The following MFAP3 variants were observed in gnomAD, a reference collection of about 807,000 sequenced individuals.
The protein encoded by MFAP3 is microfibril-associated glycoprotein 3.
MFAP3 carries 8 observed loss-of-function variants against 20.5 expected under a neutral mutation model. The ratio of observed to expected loss-of-function variants is 0.39; its 90% CI spans 0.23 to 0.70. The LOEUF is 0.70. Among genes scored for constraint, MFAP3 ranks in the 30% least tolerant of loss-of-function variants. The pLI, the probability that MFAP3 is intolerant of heterozygous loss-of-function variation, is 0.44. For missense variants in MFAP3, 398 were observed against 444.6 expected (o/e 0.90, Z 0.94); for synonymous variants, 140 against 154.0 (o/e 0.91, Z 0.67).
rs1017406837 is a variant in MFAP3, at chr5:154,056,188, A to G, written c.*2475A>G. Among the ~76,000 whole-genome samples the G allele has an allele frequency of 6.6e-6, 1 of 152,242 alleles. No homozygotes were observed. The highest frequency in any genetic ancestry group is 1.5e-5 in the Non-Finnish European group (1 of 68,040). ...TCTGTAAGTTTGCACGATACTGTAT[A>G]GTAACTAAATGCATGCTACTCCGTT... is the stretch of plus-strand genomic sequence containing the variant. On this transcript the variant is annotated 3_prime_UTR_variant, in exon 3 of 3. Coordinates refer to ENST00000522782, the MANE Select transcript of MFAP3 (RefSeq NM_005927.5).
At chr5:154,051,478 C>G (rs1373338462) in intron 2 of MFAP3, among the ~76,000 whole-genome samples, 1 of 152,150 alleles carries the variant, frequency 6.6e-6, no homozygotes, top group Non-Finnish European at 1.5e-5. Context: ...GTTTAAAGAG[C>G]ATGTCAGTCT....
chr5:154,054,013 G>A lies in MFAP3; in HGVS notation c.*300G>A. The stretch of plus-strand genomic sequence containing the variant: ...TAAGAGTCCCATGGTTTCTCTTCTG[G>A]TCACAGTTCTTCCATTGGTTGGATC... On this transcript the variant is annotated 3_prime_UTR_variant, in exon 3 of 3. Coordinates refer to ENST00000522782, the MANE Select transcript of MFAP3 (RefSeq NM_005927.5). 1 of 289,962 alleles carries A rather than the reference G, an allele frequency of 3.4e-6. No homozygotes were observed. Among genetic ancestry groups the A allele is most frequent in the South Asian group, 6.8e-5 (1 of 14,746 alleles). 18.0% of individuals were successfully genotyped at this position (289,962 alleles called of 1,614,324 possible).
intron 1 of MFAP3, among the ~76,000 whole-genome samples, chr5:154,049,060 T>A (rs1773123022): frequency 6.6e-6 from 1 of 152,228 alleles, no homozygotes; most frequent in Non-Finnish European, 1.5e-5. Flanking sequence ...CATACTTGAA[T>A]TACTCAAATT....
chr5:154,049,969 G>A lies in MFAP3; in HGVS notation c.247G>A (p.Val83Ile), dbSNP rs1372390198. 7 of 1,613,034 alleles carry A rather than the reference G, an allele frequency of 4.3e-6. No individual in the cohort carries two copies. The highest frequency in any genetic ancestry group is 5.9e-6 in the Non-Finnish European group (7 of 1,179,262). The change falls in exon 2 of 3, where the codon GTC becomes ATC. Residue 83 changes from valine to isoleucine, a missense_variant. Val to Ile is a conservative substitution (Grantham distance 29, BLOSUM62 3). Transcript: ENST00000522782. ...CLLTASHYED[V>I]HWHNSKGQQL... ...TCTCACAGCCAGTCACTATGAAGAT[G>A]TCCATTGGCACAATTCAAAAGGACA...
At chr5:154,043,032 GCAA>G (rs1772991960) in intron 1 of MFAP3, among the ~76,000 whole-genome samples, 1 of 152,122 alleles carries the variant, frequency 6.6e-6, no homozygotes, top group South Asian at 2.1e-4. Context: ...GGCAGGAACG[GCAA>G]CAAGACAATC....
At chr5:154,040,832 A>T (rs1167226313) in intron 1 of MFAP3, among the ~76,000 whole-genome samples, 7 of 152,164 alleles carry the variant, frequency 4.6e-5, no homozygotes, top group Non-Finnish European at 8.8e-5. Context: ...TCTGCCTACT[A>T]AAACTCAAGA....
In MFAP3 at chr5:154,054,532, A is replaced by G. The variant is rs945713917; in HGVS notation, c.*819A>G. ...AAAGTGAGCAGTTTATTTCTAAGGT[A>G]TAACGTCTTTGATGCTTTTAGAATA... On this transcript the variant is annotated 3_prime_UTR_variant, in exon 3 of 3. Coordinates refer to ENST00000522782, the MANE Select transcript of MFAP3 (RefSeq NM_005927.5). The G allele has an allele frequency of 7.2e-5, 12 of 166,996 alleles. No homozygotes were observed. The highest frequency in any genetic ancestry group is 1.3e-4 in the Admixed American group (2 of 15,294). 10.3% of individuals were successfully genotyped at this position (166,996 alleles called of 1,614,324 possible).
chr5:154,052,440 A>G (rs1439092353), intron 2 of MFAP3, among the ~76,000 whole-genome samples: 1 of 152,094 alleles, frequency 6.6e-6, no homozygotes, highest in African/African-American at 2.4e-5. Context: ...AAAGTGAGCA[A>G]ACACAGTTAG....
chr5:154,053,650 T>C lies in MFAP3; in HGVS notation c.1026T>C (p.Asp342=), dbSNP rs1561592201. 6.2e-7 allele frequency: 1 copy of C among 1,613,876 alleles called. No individual in the cohort carries two copies. The change falls in exon 3 of 3, where the codon GAT becomes GAC. Residue 342 remains aspartate, a synonymous_variant. Transcript: ENST00000522782. The stretch of plus-strand genomic sequence containing the variant: ...GCAGTCATTTCAGTCCACCTGATGA[T>C]ATAGGATCTGCAGAATCTAACTGTA... ...QGSSHFSPPD[D]IGSAESNCNY...
rs747951254 is a variant in MFAP3 at position 154,053,719 on chromosome 5, A to C, written c.*6A>C. The C allele has an allele frequency of 3.7e-6, 6 of 1,602,702 alleles. No homozygotes were observed. In the East Asian group the frequency reaches 1.3e-4, roughly 36 times the overall value. On this transcript the variant is annotated 3_prime_UTR_variant, in exon 3 of 3. Transcript: ENST00000522782. ...ATGAAAACTGTCAGCTGTAACCTAC[A>C]ATGCTGTAACCCAGTACCTACAAAA...
chr5:154,041,056 G>A (rs546165567), intron 1 of MFAP3, among the ~76,000 whole-genome samples: 6 of 152,048 alleles, frequency 3.9e-5, no homozygotes, highest in South Asian at 2.1e-4. Context: ...TCTTTTGAAC[G>A]GATAACTAAC....
intron 2 of MFAP3, 81 bp downstream of exon 2, chr5:154,050,098 T>G: frequency 6.8e-7 from 1 of 1,467,320 alleles, no homozygotes; most frequent in Non-Finnish European, 9.1e-7. Context: ...AAACAAAAAG[T>G]CTCAAAGATA....
At chr5:154,046,018 A>G (rs576469451) in intron 1 of MFAP3, among the ~76,000 whole-genome samples, 3 of 152,350 alleles carry the variant, frequency 2.0e-5, no homozygotes, top group Admixed American at 6.5e-5. Context: ...ATTAAAAGTC[A>G]TAAATTCCAA....
At position 154,053,354 on chromosome 5, in the gene MFAP3, C is replaced by T; in HGVS notation, c.730C>T (p.Leu244Phe). The change falls in exon 3 of 3, where the codon CTT (leucine) becomes TTT (phenylalanine). Residue 244 changes from leucine to phenylalanine, a missense_variant. Transcript: ENST00000522782. ...ELARSVPLPP[L>F]ILNCRAFVEE... ...GGCAAGAAGTGTCCCTCTTCCACCT[C>T]TTATTCTAAACTGTCGAGCCTTTGT... is the stretch of plus-strand genomic sequence containing the variant. 1 of 1,614,046 alleles carries T rather than the reference C, an allele frequency of 6.2e-7. No individual in the cohort carries two copies. Among genetic ancestry groups the T allele is most frequent in the South Asian group, 1.1e-5 (1 of 91,078 alleles).
intron 1 of MFAP3, among the ~76,000 whole-genome samples, chr5:154,045,861 T>A (rs1478742546): frequency 6.6e-6 from 1 of 152,234 alleles, no homozygotes; most frequent in Non-Finnish European, 1.5e-5. Flanking sequence ...TAGAATGGAA[T>A]GTGAGTGATT....
chr5:154,050,610 C>CTTTTTTTTTTTTGTTTTTT, intron 2 of MFAP3, among the ~76,000 whole-genome samples: 1 of 93,280 alleles, frequency 1.1e-5, no homozygotes, highest in East Asian at 3.7e-4. Flanking sequence ...CCTTCCAGCT[C>CTTTTTTTTTTTTGTTTTTT]TTTTTTTTTT....
chr5:154,047,331 C>T (rs112646142), intron 1 of MFAP3, among the ~76,000 whole-genome samples: 1 of 152,020 alleles, frequency 6.6e-6, no homozygotes. Flanking sequence ...TCGTGGAGGC[C>T]GAGACAATGT....
Position 154,057,179 on chromosome 5 carries a change from T to C in MFAP3, c.*3466T>C, listed in dbSNP as rs1432187523. Among the ~76,000 whole-genome samples, 1 of 152,210 alleles carries C rather than the reference T, an allele frequency of 6.6e-6. No homozygotes were observed. The highest frequency in any genetic ancestry group is 2.4e-5 in the African/African-American group (1 of 41,450). ...CACCAGCAAGTAGAACCCAAGTGTATTGTATAAATATTTCCTGAGTACCAG... is the reference window on the plus strand; with the variant it reads ...CACCAGCAAGTAGAACCCAAGTGTACTGTATAAATATTTCCTGAGTACCAG... On this transcript the variant is annotated 3_prime_UTR_variant, in exon 3 of 3. Coordinates refer to ENST00000522782, the MANE Select transcript of MFAP3 (RefSeq NM_005927.5).
Position 154,052,987 on chromosome 5 carries a change from C to T in MFAP3, c.363C>T (p.Leu121=), listed in dbSNP as rs778975206. The change falls in exon 3 of 3, where the codon CTC becomes CTT. Residue 121 remains leucine, a synonymous_variant. Transcript: ENST00000522782. ...ATGTAGCTTTTGATGACCGTGGGCT[C>T]TATACCTGTTTCGTCACCTCTCCAA... The part of the protein sequence containing the change: ...ITNVAFDDRG[L]YTCFVTSPIR... The T allele has an allele frequency of 8.7e-6, 14 of 1,613,820 alleles. No individual in the cohort carries two copies. The highest frequency in any genetic ancestry group is 1.7e-4 in the Middle Eastern group (1 of 6,060).
Sources: gnomAD v4.1 joint callset for allele counts (sites outside exome capture counted in the v4.1 genomes callset) on GRCh38, gnomAD v4.1.1 for gene constraint, MANE v1.5 for transcripts, NCBI Gene and HGNC (gene_info 2026-07-23, HGNC 2026-07-21) for gene names.